KANK1: variants seen among roughly 807,000 people sequenced by gnomAD.
The protein encoded by KANK1 is KN motif and ankyrin repeat domain-containing protein 1.
A neutral mutation model predicts 106.2 loss-of-function variants in KANK1; 109 were observed. The observed-to-expected ratio is 1.03, with a 90% CI of 0.88 to 1.20. The LOEUF is 1.20. KANK1 is among the 50% of genes most tolerant of loss of function. The pLI, the probability that KANK1 is intolerant of heterozygous loss-of-function variation, is 0.00. For synonymous variants in KANK1, 873 were observed against 652.2 expected (o/e 1.34, Z -5.16); for missense variants, 2,399 against 1,710.7 (o/e 1.40, Z -7.10).
chr9:671,924 G>T (rs1815245879), intron 1 of KANK1, among the ~76,000 whole-genome samples: 1 of 152,040 alleles, frequency 6.6e-6, no homozygotes, highest in Non-Finnish European at 1.5e-5. Flanking sequence ...CTCCAGCCTG[G>T]GCTACAGAGC....
At chr9:594,634 T>A (rs1461745901) in intron 1 of KANK1, among the ~76,000 whole-genome samples, 1 of 151,844 alleles carries the variant, frequency 6.6e-6, no homozygotes, top group Non-Finnish European at 1.5e-5. Flanking sequence ...TAAGATACAA[T>A]GAAATGGAGA....
intron 1 of KANK1, among the ~76,000 whole-genome samples, chr9:663,262 T>C (rs1843778181): frequency 1.3e-5 from 2 of 152,230 alleles, no homozygotes; most frequent in African/African-American, 4.8e-5. Context: ...ATTGTTGTTC[T>C]TTAATGCTTA....
intron 1 of KANK1, among the ~76,000 whole-genome samples, chr9:541,123 G>GAA (rs150120914): frequency 0.078 from 11,392 of 145,202 alleles, 709 homozygotes; most frequent in East Asian, 0.33. Flanking sequence ...GTTGAAAAAC[G>GAA]AAAAAAAAAC....
intron 3 of KANK1, among the ~76,000 whole-genome samples, chr9:483,176 GA>G (rs903329919): frequency 2.7e-4 from 40 of 150,624 alleles, no homozygotes; most frequent in African/African-American, 6.1e-4. Context: ...GTATGTATAG[GA>G]AAAAAAAACA....
intron 2 of KANK1, among the ~76,000 whole-genome samples, chr9:704,628 T>A (rs1450611066): frequency 6.6e-6 from 1 of 152,144 alleles, no homozygotes. Context: ...AACTTTCTCA[T>A]TTTATTGCAG....
intron 1 of KANK1, among the ~76,000 whole-genome samples, chr9:670,724 G>C (rs968583552): frequency 2.0e-5 from 3 of 152,160 alleles, no homozygotes; most frequent in African/African-American, 7.2e-5. Context: ...TGTCCACAGG[G>C]TGGTATCTCC....
chr9:508,861 G>C (rs2058898169), intron 1 of KANK1, among the ~76,000 whole-genome samples: 1 of 152,062 alleles, frequency 6.6e-6, no homozygotes, highest in Admixed American at 6.6e-5. Context: ...TCTAATTCTA[G>C]TACACGTCTT....
At chr9:509,561 T>G (rs2058937271) in intron 1 of KANK1, among the ~76,000 whole-genome samples, 1 of 152,246 alleles carries the variant, frequency 6.6e-6, no homozygotes, top group Non-Finnish European at 1.5e-5. Context: ...GACTTTTTAA[T>G]CCCTGCATAT....
Position 710,861 on chromosome 9 carries a change from T to C in KANK1, c.95T>C (p.Phe32Ser), listed in dbSNP as rs183362306. Reference protein sequence around the residue: ...DQDKEQKDPYFVETPYGYQLD... With the variant: ...DQDKEQKDPYSVETPYGYQLD... ...GACAAGGAACAGAAAGACCCTTACT[T>C]TGTGGAGACCCCCTATGGTTATCAA... is the stretch of plus-strand genomic sequence containing the variant. The change falls in exon 3 of 12, where the codon TTT becomes TCT. Residue 32 changes from phenylalanine (F) to serine (S), a missense_variant. By Grantham distance (155) the Phe-to-Ser change is radical. Coordinates refer to ENST00000382297, the MANE Select transcript of KANK1 (RefSeq NM_015158.5). 1.7e-4 allele frequency: 276 copies of C among 1,613,664 alleles called. 1 individual carries two copies. In the South Asian group the frequency reaches 2.0e-3, roughly 12 times the overall value.
intron 1 of KANK1, among the ~76,000 whole-genome samples, chr9:543,457 G>T (rs1331950792): frequency 6.6e-6 from 1 of 151,862 alleles, no homozygotes; most frequent in African/African-American, 2.4e-5. Flanking sequence ...TACTCGGGAG[G>T]CTGAGGCAGG....
At chr9:501,647 T>C (rs897233278), upstream of KANK1, among the ~76,000 whole-genome samples, 4 of 146,482 alleles carry the variant, frequency 2.7e-5, no homozygotes, top group Non-Finnish European at 4.5e-5. Flanking sequence ...CACACCCCAA[T>C]TGCTTGATAT....
chr9:488,294 G>A (rs1190628953), intron 3 of KANK1, among the ~76,000 whole-genome samples: 1 of 152,184 alleles, frequency 6.6e-6, no homozygotes, highest in Non-Finnish European at 1.5e-5. Context: ...GCTCAAAGAG[G>A]AGAGGAGGAT....
chr9:736,642 G>C (rs903007330), intron 7 of KANK1, among the ~76,000 whole-genome samples: 1 of 151,754 alleles, frequency 6.6e-6, no homozygotes, highest in Non-Finnish European at 1.5e-5. Context: ...TCAGGCTGCA[G>C]TGCTCCATCA....
At chr9:505,496 G>A (rs1352598103) in intron 1 of KANK1, among the ~76,000 whole-genome samples, 1 of 152,246 alleles carries the variant, frequency 6.6e-6, no homozygotes, top group Non-Finnish European at 1.5e-5. Flanking sequence ...CGTTTTCTGT[G>A]CCGCTTTGGG....
At chr9:554,288 A>G (rs1313431914) in intron 1 of KANK1, among the ~76,000 whole-genome samples, 1 of 152,204 alleles carries the variant, frequency 6.6e-6, no homozygotes, top group African/African-American at 2.4e-5. Context: ...TGAAGATCCA[A>G]GAACCAGGTG....
chr9:643,535 T>A (rs1368261759), intron 1 of KANK1, among the ~76,000 whole-genome samples: 2 of 146,988 alleles, frequency 1.4e-5, no homozygotes, highest in Admixed American at 6.8e-5. Context: ...TTGCTTTTTT[T>A]CTTTTTGATT....
At chr9:549,442 A>G (rs140795504) in intron 1 of KANK1, 1,887 of 152,380 alleles carry the variant, frequency 0.012, 23 homozygotes, top group Non-Finnish European at 0.016. Flanking sequence ...AACTAAACTG[A>G]TAGATGAAAG....
chr9:584,326 G>T (rs1231851324), intron 1 of KANK1, among the ~76,000 whole-genome samples: 1 of 152,138 alleles, frequency 6.6e-6, no homozygotes, highest in Admixed American at 6.5e-5. Context: ...TATGTGTCAT[G>T]CATACATATA....
At chr9:546,956 C>T (rs979145929) in intron 1 of KANK1, among the ~76,000 whole-genome samples, 2 of 152,174 alleles carry the variant, frequency 1.3e-5, no homozygotes, top group African/African-American at 4.8e-5. Context: ...ACAAATGGTT[C>T]TCACCAGATA....
Sources: allele counts gnomAD v4.1 joint callset (sites outside exome capture counted in the v4.1 genomes callset), GRCh38; gene constraint gnomAD v4.1.1; transcripts MANE v1.5; gene names NCBI Gene and HGNC (gene_info 2026-07-23, HGNC 2026-07-21).